The following PTPRG variants were observed in gnomAD, a reference collection of about 807,000 sequenced individuals.
The protein encoded by PTPRG is protein tyrosine phosphatase receptor type G, also known as receptor-type tyrosine-protein phosphatase gamma.
Under a neutral mutation model 165.3 loss-of-function variants are expected in PTPRG, and 102 were observed. That is an observed-to-expected ratio of 0.62 (90% confidence interval 0.53 to 0.73). The LOEUF is 0.73. Among genes scored for constraint, PTPRG ranks in the 30% least tolerant of loss-of-function variants. The pLI is 0.00. For synonymous variants in PTPRG, 675 were observed against 669.5 expected (o/e 1.01, Z -0.13); for missense variants, 1,866 against 1,861.4 (o/e 1.00, Z -0.05).
At chr3:62,204,930 T>C (rs1005820956) in intron 12 of PTPRG, among the ~76,000 whole-genome samples, 1 of 152,162 alleles carries the variant, frequency 6.6e-6, no homozygotes, top group African/African-American at 2.4e-5. Context: ...TAATAAGAAA[T>C]TCTTCATTTT....
chr3:61,821,525 C>T (rs991040652), intron 2 of PTPRG, among the ~76,000 whole-genome samples: 14 of 152,144 alleles, frequency 9.2e-5, no homozygotes, highest in Non-Finnish European at 1.8e-4. Flanking sequence ...ATTTCTTAAT[C>T]CTTTATGGGA....
rs143903893 is a variant in PTPRG at position 61,978,725 on chromosome 3, T to C, written c.191-10900T>C. Among the ~76,000 whole-genome samples, 42 of 152,328 alleles carry C rather than the reference T, an allele frequency of 2.8e-4. 1 individual carries two copies. In the East Asian group the frequency reaches 6.2e-3, roughly 22 times the overall value. The stretch of plus-strand genomic sequence containing the variant: ...AAACAGTTTCTGTAAGGGCAGATGA[T>C]AAATATTTTAGACTTTGCTGTCTCT... On this transcript the variant is annotated intron_variant, in intron 2 of 29. Coordinates refer to ENST00000474889, the MANE Select transcript of PTPRG (RefSeq NM_002841.4).
chr3:61,924,127 C>T (rs1304366775), intron 2 of PTPRG, among the ~76,000 whole-genome samples: 2 of 152,152 alleles, frequency 1.3e-5, no homozygotes, highest in Non-Finnish European at 2.9e-5. Flanking sequence ...CTCTTGGGCT[C>T]ACTTTCCTTT....
chr3:61,644,896 A>G (rs1381021003), intron 1 of PTPRG, among the ~76,000 whole-genome samples: 1 of 152,230 alleles, frequency 6.6e-6, no homozygotes, highest in Non-Finnish European at 1.5e-5. Context: ...CAACAAGAAA[A>G]GAAGGTGTTG....
chr3:62,105,468 A>G (rs1995758), intron 5 of PTPRG, among the ~76,000 whole-genome samples: 109,143 of 152,096 alleles, frequency 0.72, 39,472 homozygotes, highest in Middle Eastern at 0.79. Context: ...AAGCCATACT[A>G]TCAATAGGAG....
At chr3:61,926,963 G>T (rs186582630) in intron 2 of PTPRG, among the ~76,000 whole-genome samples, 1 of 152,126 alleles carries the variant, frequency 6.6e-6, no homozygotes, top group African/African-American at 2.4e-5. Context: ...TACCTGTAAT[G>T]TAGTGCATGC....
chr3:61,700,809 T>A (rs1319256268), intron 1 of PTPRG, among the ~76,000 whole-genome samples: 1 of 152,212 alleles, frequency 6.6e-6, no homozygotes, highest in Non-Finnish European at 1.5e-5. Context: ...TCATTCTGGG[T>A]ATACATCCCT....
In PTPRG at chr3:61,680,501, G is replaced by GAA. The variant is rs34153657; in HGVS notation, c.86-68361_86-68360dup. 1.6e-3 allele frequency among the ~76,000 whole-genome samples: 138 copies of GAA among 85,170 alleles called. 6 individuals are homozygous for GAA. The highest frequency in any genetic ancestry group is 2.4e-3 in the Admixed American group (16 of 6,566). 55.9% of individuals were successfully genotyped at this position (85,170 alleles called of 152,430 possible). On this transcript the variant is annotated intron_variant, in intron 1 of 29. Transcript: ENST00000474889. ...CATGTTGGCAATTATTCAGCTTTAT[G>GAA]AAAAAAAAAAAAAAAAACACAAAAA...
chr3:61,575,893 A>G (rs1700164910), intron 1 of PTPRG, among the ~76,000 whole-genome samples: 1 of 152,198 alleles, frequency 6.6e-6, no homozygotes, highest in Admixed American at 6.5e-5. Context: ...CTGATATTAT[A>G]GACATGAGCC....
chr3:62,281,639 G>T lies in PTPRG; in HGVS notation c.3842G>T (p.Ser1281Ile), dbSNP rs1412062121. The part of the protein sequence containing the change: ...NCEAFTVTLI[S>I]KDRLCLSNEE... The stretch of plus-strand genomic sequence containing the variant: ...GAGGCCTTTACCGTCACCCTTATCA[G>T]CAAAGACAGACTGTGCCTCTCTAAT... The change falls in exon 27 of 30, where the codon AGC becomes ATC. Residue 1281 changes from serine to isoleucine, a missense_variant. This residue lies in a region of PTPRG where 1,452 missense variants were observed against 1,463.0 expected (regional missense o/e 0.99). Transcript: ENST00000474889. 2 of 1,601,472 alleles carry T rather than the reference G, an allele frequency of 1.2e-6. No homozygotes were observed. Among genetic ancestry groups the T allele is most frequent in the Non-Finnish European group, 1.7e-6 (2 of 1,174,618 alleles).
chr3:61,613,957 C>A (rs1230527727), intron 1 of PTPRG, among the ~76,000 whole-genome samples: 1 of 152,198 alleles, frequency 6.6e-6, no homozygotes, highest in African/African-American at 2.4e-5. Flanking sequence ...AATCTTGAAT[C>A]TCCCTGAGCA....
At chr3:61,790,351 C>G (rs2034834850) in intron 2 of PTPRG, among the ~76,000 whole-genome samples, 1 of 152,190 alleles carries the variant, frequency 6.6e-6, no homozygotes, top group South Asian at 2.1e-4. Flanking sequence ...ATCTTGTCTT[C>G]ATCACTATCT....
In PTPRG at chr3:62,013,740, G is replaced by T. The variant is rs138286586; in HGVS notation, c.519+10243G>T. Reference sequence around the variant, plus strand: ...GTAGTTCAGTTTTATATTGGAATCTGATTTATTTATTGAAAAGGCTTCACT... The same window carrying T: ...GTAGTTCAGTTTTATATTGGAATCTTATTTATTTATTGAAAAGGCTTCACT... On this transcript the variant is annotated intron_variant, in intron 4 of 29. Coordinates refer to ENST00000474889, the MANE Select transcript of PTPRG (RefSeq NM_002841.4). Among the ~76,000 whole-genome samples, 1,140 of 150,734 alleles carry T rather than the reference G, an allele frequency of 7.6e-3. 18 individuals are homozygous for T. The highest frequency in any genetic ancestry group is 0.026 in the African/African-American group (1,056 of 41,174).
At chr3:62,043,887 C>A (rs1218735544) in intron 4 of PTPRG, among the ~76,000 whole-genome samples, 1 of 152,124 alleles carries the variant, frequency 6.6e-6, no homozygotes, top group Non-Finnish European at 1.5e-5. Context: ...CATTAGAAAA[C>A]AGGACAGCTT....
Position 62,218,802 on chromosome 3 carries a change from C to A in PTPRG, c.2156-49C>A, listed in dbSNP as rs759051976. 6.4e-6 allele frequency: 10 copies of A among 1,572,802 alleles called. No homozygotes were observed. The East Asian group carries it at 2.3e-4, about 36-fold the overall frequency. On this transcript the variant is annotated intron_variant, in intron 12 of 29. Coordinates refer to ENST00000474889, the MANE Select transcript of PTPRG (RefSeq NM_002841.4). Reference sequence around the variant, plus strand: ...CAGAACTCTGCATCAATTCTGGCTCCCACCTCCACTAACCTCTGTCCTCTA... The same window carrying A: ...CAGAACTCTGCATCAATTCTGGCTCACACCTCCACTAACCTCTGTCCTCTA...
rs1296600003 is a variant in PTPRG at position 62,262,853 on chromosome 3, C to T, written c.2615C>T (p.Pro872Leu). Residue 872 changes from proline (P) to leucine (L), a missense_variant, in exon 17 of 30, where the codon CCA (proline) becomes CTA (leucine). Coordinates refer to ENST00000474889, the MANE Select transcript of PTPRG (RefSeq NM_002841.4). ...ATCACTGCAGAGCATTCCAATCATC[C>T]AGAAAACAAGCACAAAAACAGATAC... Reference protein sequence around the residue: ...MNITAEHSNHPENKHKNRYIN... With the variant: ...MNITAEHSNHLENKHKNRYIN... 1 of 1,613,874 alleles carries T rather than the reference C, an allele frequency of 6.2e-7. No homozygotes were observed. Among genetic ancestry groups the T allele is most frequent in the Non-Finnish European group, 8.5e-7 (1 of 1,179,828 alleles).
intron 15 of PTPRG, among the ~76,000 whole-genome samples, chr3:62,251,181 A>G (rs1701406810): frequency 6.6e-6 from 1 of 152,222 alleles, no homozygotes; most frequent in Non-Finnish European, 1.5e-5. Flanking sequence ...ACTCGAGCCC[A>G]AGAGTTTGAG....
At chr3:62,084,065 G>C (rs980989730) in intron 5 of PTPRG, among the ~76,000 whole-genome samples, 1 of 151,938 alleles carries the variant, frequency 6.6e-6, no homozygotes, top group African/African-American at 2.4e-5. Context: ...GATTCTTCAA[G>C]AGCATCTACA....
intron 2 of PTPRG, among the ~76,000 whole-genome samples, chr3:61,793,787 G>C (rs1033136293): frequency 5.3e-5 from 8 of 152,146 alleles, no homozygotes; most frequent in Admixed American, 2.6e-4. Flanking sequence ...CCCCTTGCCA[G>C]TTTCCTTGAG....
Sources: allele counts gnomAD v4.1 joint callset (sites outside exome capture counted in the v4.1 genomes callset), GRCh38; gene constraint gnomAD v4.1.1; regional missense constraint gnomAD v4.1.1; transcripts MANE v1.5; gene names NCBI Gene and HGNC (gene_info 2026-07-23, HGNC 2026-07-21).